Variants in MAMDC2 observed in about 807,000 individuals in gnomAD.
MAMDC2 encodes MAM domain containing 2.
In MAMDC2, 57 loss-of-function variants were observed where a neutral mutation model predicts 89.8. The ratio of observed to expected loss-of-function variants is 0.63; its 90% CI spans 0.51 to 0.79. The LOEUF is 0.79. MAMDC2 is among the 30% of genes least tolerant of loss of function. MAMDC2 has a pLI of 0.00. For missense variants in MAMDC2, 800 were observed against 820.6 expected, an observed-to-expected ratio of 0.97 and a Z score of 0.31; for synonymous variants, 313 against 293.4, an observed-to-expected ratio of 1.07 and a Z score of -0.68.
intron 11 of MAMDC2, chr9:70,175,789 C>T (rs1927137): frequency 0.52 from 79,180 of 151,976 alleles, 24,353 homozygotes; most frequent in Non-Finnish European, 0.67. Context: ...ATCAAGATGT[C>T]GGTAGGGTTG....
intron 5 of MAMDC2, among the ~76,000 whole-genome samples, chr9:70,116,799 T>A (rs1395392415): frequency 6.6e-6 from 1 of 151,818 alleles, no homozygotes; most frequent in Non-Finnish European, 1.5e-5. Flanking sequence ...GTAAGCATAG[T>A]GGTGTGGTCA....
intron 6 of MAMDC2, among the ~76,000 whole-genome samples, chr9:70,127,862 G>A (rs188919976): frequency 7.9e-5 from 12 of 152,206 alleles, no homozygotes; most frequent in Admixed American, 7.2e-4. Context: ...AAAGTTTCCC[G>A]TCAAAGTCAG....
At chr9:70,132,912 T>A (rs1444778253) in intron 7 of MAMDC2, among the ~76,000 whole-genome samples, 1 of 152,224 alleles carries the variant, frequency 6.6e-6, no homozygotes, top group African/African-American at 2.4e-5. Context: ...TTTTTCCTAA[T>A]TCTAATCTTT....
intron 9 of MAMDC2, among the ~76,000 whole-genome samples, chr9:70,151,502 G>A (rs191473514): frequency 1.3e-5 from 2 of 152,218 alleles, no homozygotes; most frequent in African/African-American, 4.8e-5. Context: ...TGGTACGTAT[G>A]TGGTCAATGA....
At chr9:70,193,210 T>G (rs1288325904) in intron 11 of MAMDC2, among the ~76,000 whole-genome samples, 1 of 152,154 alleles carries the variant, frequency 6.6e-6, no homozygotes, top group Non-Finnish European at 1.5e-5. Flanking sequence ...GAAACCACTT[T>G]GATAATCACC....
At chr9:70,170,373 G>A (rs2032299571) in intron 10 of MAMDC2, 106 bp from the exon 11 acceptor site, 16 of 1,296,330 alleles carry the variant, frequency 1.2e-5, no homozygotes, top group East Asian at 2.5e-5. Flanking sequence ...CCTCTCCATC[G>A]CATGGCATAT....
At chr9:70,125,772 C>G (rs959741461) in intron 5 of MAMDC2, among the ~76,000 whole-genome samples, 1 of 152,186 alleles carries the variant, frequency 6.6e-6, no homozygotes, top group Non-Finnish European at 1.5e-5. Context: ...TCTTATGACT[C>G]AAATAAGGAT....
rs558965151 is a variant in MAMDC2 at position 70,148,182 on chromosome 9, T to C, written c.1404+4363T>C. On this transcript the variant is annotated intron_variant, in intron 9 of 13. Coordinates refer to ENST00000377182, the MANE Select transcript of MAMDC2 (RefSeq NM_153267.5). ...AGCAATCAGTTCCTGGGACACACTC[T>C]GCTCTCTCCTACCTTAGATTATTGC... The C allele has an allele frequency of 1.8e-4, 27 of 150,474 alleles. 1 individual carries two copies. The highest frequency in any genetic ancestry group is 6.6e-4 in the African/African-American group (27 of 40,746). 9.3% of individuals were successfully genotyped at this position (150,474 alleles called of 1,614,324 possible).
chr9:70,085,189 G>C (rs1827740565), intron 2 of MAMDC2, among the ~76,000 whole-genome samples: 1 of 151,970 alleles, frequency 6.6e-6, no homozygotes, highest in African/African-American at 2.4e-5. Context: ...AAAACAAATT[G>C]TCTGAAGTTT....
chr9:70,142,807 G>T (rs2118414562), intron 8 of MAMDC2, among the ~76,000 whole-genome samples: 1 of 152,266 alleles, frequency 6.6e-6, no homozygotes, highest in African/African-American at 2.4e-5. Context: ...AAAACTGACA[G>T]GAGGAGGAGC....
At chr9:70,130,006 T>TTC (rs994466180) in intron 6 of MAMDC2, among the ~76,000 whole-genome samples, 6 of 70,476 alleles carry the variant, frequency 8.5e-5, no homozygotes, top group African/African-American at 3.3e-4. Context: ...TCACATGGCA[T>TTC]TCTGTGTGTG....
Position 70,130,008 on chromosome 9 carries a change from CTGTGTGTG to C in MAMDC2, c.901-1480_901-1473del, listed in dbSNP as rs71364580. Among the ~76,000 whole-genome samples the C allele has an allele frequency of 3.1e-3, 461 of 146,906 alleles. 2 individuals are homozygous for C. Among genetic ancestry groups the C allele is most frequent in the East Asian group, 0.013 (67 of 4,966 alleles). On this transcript the variant is annotated intron_variant, in intron 6 of 13. Transcript: ENST00000377182. ...TCTGCCTTCATTTTCACATGGCATTCTGTGTGTGTGTGTGTGTGTGTGTGTGTGTGTGT... is the reference window on the plus strand; with the variant it reads ...TCTGCCTTCATTTTCACATGGCATTCTGTGTGTGTGTGTGTGTGTGTGTGT...
chr9:70,163,996 C>T (rs2032080352), intron 9 of MAMDC2, among the ~76,000 whole-genome samples: 1 of 150,566 alleles, frequency 6.6e-6, no homozygotes, highest in African/African-American at 2.4e-5. Context: ...AAGTGCCTAG[C>T]ACAAGGACTG....
intron 11 of MAMDC2, among the ~76,000 whole-genome samples, chr9:70,193,690 A>C (rs2032926850): frequency 1.3e-5 from 2 of 152,144 alleles, no homozygotes; most frequent in African/African-American, 4.8e-5. Flanking sequence ...AATAAACTCA[A>C]AGACTTGGCT....
intron 11 of MAMDC2, among the ~76,000 whole-genome samples, chr9:70,214,835 G>A (rs146531017): frequency 9.1e-4 from 139 of 152,252 alleles, no homozygotes; most frequent in African/African-American, 2.9e-3. Context: ...AGTGGTGTGC[G>A]ACTCACAGGT....
At position 70,126,222 on chromosome 9, in the gene MAMDC2, C is replaced by T. The variant is rs1392711944; in HGVS notation, c.707C>T (p.Ser236Phe). Residue 236 changes from serine (S) to phenylalanine (F), a missense_variant, in exon 6 of 14, where the codon TCC becomes TTC. By Grantham distance (155) the Ser-to-Phe change is radical (BLOSUM62 -2). Coordinates refer to ENST00000377182, the MANE Select transcript of MAMDC2 (RefSeq NM_153267.5). ...TTCCAGGAGGTGGCACAGCTCATCT[C>T]CCCGTTGACCACGGCCCCCATGGCT... Reference protein sequence around the residue: ...KHFQEVAQLISPLTTAPMAGC... With the variant: ...KHFQEVAQLIFPLTTAPMAGC... 2 of 1,614,108 alleles carry T rather than the reference C, an allele frequency of 1.2e-6. No homozygotes were observed. Among genetic ancestry groups the T allele is most frequent in the Non-Finnish European group, 1.7e-6 (2 of 1,180,012 alleles).
chr9:70,193,072 TACAAGTAAGTACAA>T (rs1442125006), intron 11 of MAMDC2, among the ~76,000 whole-genome samples: 7 of 152,080 alleles, frequency 4.6e-5, no homozygotes. Flanking sequence ...CACTGGATTT[TACAAGTAAGTACAA>T]AGATAGGCCT....
chr9:70,151,527 G>A (rs2031578904), intron 9 of MAMDC2, among the ~76,000 whole-genome samples: 1 of 152,210 alleles, frequency 6.6e-6, no homozygotes, highest in Admixed American at 6.5e-5. Flanking sequence ...ATAAAAGAAT[G>A]AGTGGGTGGA....
chr9:70,043,989 C>G lies in MAMDC2; in HGVS notation c.-209C>G. ...TGCTCAGCGCCGGGGCGCTGGCGCT[C>G]TCCATTCGAGCACCTTCCAGCATAC... is the stretch of plus-strand genomic sequence containing the variant. On this transcript the variant is annotated 5_prime_UTR_variant, in exon 1 of 14. Transcript: ENST00000377182. 2 of 617,492 alleles carry G rather than the reference C, an allele frequency of 3.2e-6. No individual in the cohort carries two copies. Among genetic ancestry groups the G allele is most frequent in the Non-Finnish European group, 5.7e-6 (2 of 351,100 alleles). 38.3% of individuals were successfully genotyped at this position (617,492 alleles called of 1,614,324 possible).
Sources: gnomAD v4.1 joint callset for allele counts (sites outside exome capture counted in the v4.1 genomes callset) on GRCh38, gnomAD v4.1.1 for gene constraint, MANE v1.5 for transcripts, NCBI Gene and HGNC (gene_info 2026-07-23, HGNC 2026-07-21) for gene names.